Variants in CSMD1 observed in about 807,000 individuals in gnomAD.
The protein encoded by CSMD1 is CUB and Sushi multiple domains 1, also known as CUB and sushi domain-containing protein 1.
A neutral mutation model predicts 417.5 loss-of-function variants in CSMD1; 213 were observed. That is an observed-to-expected ratio of 0.51 (90% CI 0.46 to 0.57). The LOEUF is 0.57. CSMD1 is among the 20% of genes least tolerant of loss of function. The probability of loss-of-function intolerance (pLI) is 0.00; values close to 1 mark genes in which losing one functional copy is unlikely to be tolerated. For missense variants in CSMD1, 6,923 were observed against 4,529.7 expected (o/e 1.53, Z -15.17); for synonymous variants, 2,862 against 1,736.8 (o/e 1.65, Z -16.11).
chr8:4,454,614 C>A (rs1310499064), intron 2 of CSMD1, among the ~76,000 whole-genome samples: 1 of 152,128 alleles, frequency 6.6e-6, no homozygotes, highest in East Asian at 1.9e-4. Context: ...GAGGGCATAG[C>A]AGAAGGAAGC....
intron 3 of CSMD1, among the ~76,000 whole-genome samples, chr8:4,122,501 A>T (rs1243454244): frequency 1.3e-5 from 2 of 152,192 alleles, no homozygotes; most frequent in East Asian, 1.9e-4. Flanking sequence ...AAACTGTCTA[A>T]AAGAGAACCA....
At chr8:4,644,729 T>G (rs1208901486) in intron 1 of CSMD1, among the ~76,000 whole-genome samples, 1 of 152,252 alleles carries the variant, frequency 6.6e-6, no homozygotes, top group Non-Finnish European at 1.5e-5. Flanking sequence ...TGTATTCCCT[T>G]ATAGCATTTA....
At position 3,952,278 on chromosome 8, in the gene CSMD1, C is replaced by T. The variant is rs1410112727; in HGVS notation, c.818+45625G>A. ...TATTCTCCTGAGCACACAGTAAATACTTCTAGAGGCTACGCGAAAGGTGTC... is the reference window on the plus strand; with the variant it reads ...TATTCTCCTGAGCACACAGTAAATATTTCTAGAGGCTACGCGAAAGGTGTC... On this transcript the variant is annotated intron_variant, in intron 5 of 69. Coordinates refer to ENST00000635120, the MANE Select transcript of CSMD1 (RefSeq NM_033225.6). 5.3e-5 allele frequency among the ~76,000 whole-genome samples: 8 copies of T among 152,104 alleles called. No homozygotes were observed. The East Asian group carries it at 1.5e-3, about 29-fold the overall frequency.
At chr8:3,384,170 A>G (rs368219526) in intron 18 of CSMD1, among the ~76,000 whole-genome samples, 2 of 152,182 alleles carry the variant, frequency 1.3e-5, no homozygotes, top group South Asian at 2.1e-4. Context: ...CTACACACTT[A>G]TACTTGTAGA....
intron 3 of CSMD1, among the ~76,000 whole-genome samples, chr8:4,354,261 T>C (rs956011172): frequency 6.6e-6 from 1 of 152,056 alleles, no homozygotes; most frequent in Non-Finnish European, 1.5e-5. Context: ...TAGATCACGG[T>C]GTTATTTTAT....
At chr8:4,074,070 G>C (rs1374212584) in intron 3 of CSMD1, among the ~76,000 whole-genome samples, 3 of 151,974 alleles carry the variant, frequency 2.0e-5, no homozygotes, top group African/African-American at 4.8e-5. Context: ...TATTGATATG[G>C]AATAGACAAA....
intron 5 of CSMD1, among the ~76,000 whole-genome samples, chr8:3,989,279 G>A (rs558031723): frequency 6.6e-6 from 1 of 152,174 alleles, no homozygotes; most frequent in African/African-American, 2.4e-5. Flanking sequence ...AAGCTCAGAA[G>A]TCATAAAACC....
At chr8:3,205,653 G>T in intron 30 of CSMD1, 33 bp from the exon 31 acceptor site, 1 of 1,092,452 alleles carries the variant, frequency 9.2e-7, no homozygotes, top group Non-Finnish European at 1.4e-6. Context: ...ATTAGTCGCT[G>T]TGCAATAATA....
intron 39 of CSMD1, among the ~76,000 whole-genome samples, chr8:3,155,550 G>A (rs1309151280): frequency 1.3e-5 from 2 of 151,234 alleles, no homozygotes; most frequent in African/African-American, 2.4e-5. Context: ...TGTATTTTTA[G>A]TAGAGACGGG....
chr8:4,479,958 T>A (rs1157433994), intron 2 of CSMD1, among the ~76,000 whole-genome samples: 2 of 143,172 alleles, frequency 1.4e-5, no homozygotes, highest in Non-Finnish European at 3.0e-5. Context: ...ACAGCAAGTC[T>A]CTGTCTCAAA....
At chr8:4,927,390 T>C (rs1806941813) in intron 1 of CSMD1, among the ~76,000 whole-genome samples, 1 of 152,034 alleles carries the variant, frequency 6.6e-6, no homozygotes, top group African/African-American at 2.4e-5. Context: ...TTAGTATAAA[T>C]CCCTGCCAAA....
chr8:4,977,074 G>C (rs574957077), intron 1 of CSMD1, among the ~76,000 whole-genome samples: 2 of 152,164 alleles, frequency 1.3e-5, no homozygotes, highest in Non-Finnish European at 2.9e-5. Flanking sequence ...AGTATCAACA[G>C]TTATATTGGC....
At chr8:3,329,634 T>C (rs1006373190) in intron 23 of CSMD1, among the ~76,000 whole-genome samples, 1 of 152,148 alleles carries the variant, frequency 6.6e-6, no homozygotes, top group Non-Finnish European at 1.5e-5. Flanking sequence ...CTCAGGCTAC[T>C]ACAAAGGTCT....
At chr8:3,445,248 C>G (rs1404221593) in intron 12 of CSMD1, among the ~76,000 whole-genome samples, 1 of 152,158 alleles carries the variant, frequency 6.6e-6, no homozygotes. Context: ...GTTACGTTCT[C>G]TGGGTTTCAC....
In CSMD1 at chr8:3,205,607, G is replaced by T. The variant is rs781401362; in HGVS notation, c.4881C>A (p.Gly1627=). The T allele has an allele frequency of 1.3e-5, 20 of 1,550,854 alleles. No individual in the cohort carries two copies. Among genetic ancestry groups the T allele is most frequent in the Non-Finnish European group, 1.8e-5 (20 of 1,135,358 alleles). The stretch of plus-strand genomic sequence containing the variant: ...CTACCCCTTCTGATCCCGTGTACTG[G>T]CCTCCACAGGGAGCTGAAAATAAAA... ...VLPSCNAPCG[G]QYTGSEGVVL... The change falls in exon 31 of 70, where the codon GGC becomes GGA. Residue 1627 remains glycine (G), a synonymous_variant. Transcript: ENST00000635120.
intron 2 of CSMD1, among the ~76,000 whole-genome samples, chr8:4,564,357 T>A (rs1035842581): frequency 6.6e-6 from 1 of 152,154 alleles, no homozygotes; most frequent in Non-Finnish European, 1.5e-5. Flanking sequence ...ATAAGAAAAA[T>A]AACATAGATT....
intron 2 of CSMD1, among the ~76,000 whole-genome samples, chr8:4,465,937 G>C (rs1311405847): frequency 6.6e-6 from 1 of 152,168 alleles, no homozygotes; most frequent in African/African-American, 2.4e-5. Context: ...AGTCAGTAGA[G>C]AAATTATGTG....
chr8:3,473,987 C>G (rs1817261137), intron 11 of CSMD1, among the ~76,000 whole-genome samples: 1 of 152,084 alleles, frequency 6.6e-6, no homozygotes, highest in Non-Finnish European at 1.5e-5. Flanking sequence ...CTAGTAAAAA[C>G]TCCTTCACCA....
At chr8:4,543,671 GAAAAAAAAAAAA>G (rs35739254) in intron 2 of CSMD1, among the ~76,000 whole-genome samples, 2 of 57,318 alleles carry the variant, frequency 3.5e-5, no homozygotes, top group African/African-American at 6.5e-5. Flanking sequence ...GTTTAATTTT[GAAAAAAAAAAAA>G]AAAAAAAAAA....
Sources: allele counts gnomAD v4.1 joint callset (sites outside exome capture counted in the v4.1 genomes callset), GRCh38; gene constraint gnomAD v4.1.1; transcripts MANE v1.5; gene names NCBI Gene and HGNC (gene_info 2026-07-23, HGNC 2026-07-21).